The following LGSN variants were observed in gnomAD, a reference collection of about 807,000 sequenced individuals.
The protein encoded by LGSN is lengsin, lens protein with glutamine synthetase domain.
A neutral mutation model predicts 19.5 loss-of-function variants in LGSN; 21 were observed. The observed-to-expected ratio is 1.07, with a 90% CI of 0.76 to 1.55. The LOEUF is 1.55. Among genes scored for constraint, LGSN ranks in the 40% most tolerant of loss-of-function variants. LGSN has a pLI of 0.00. For missense variants in LGSN, 673 were observed against 608.5 expected (o/e 1.11, Z -1.12); for synonymous variants, 257 against 215.6 (o/e 1.19, Z -1.68).
chr6:63,368,579 C>T, the LGSN span, among the ~76,000 whole-genome samples: 4 of 152,188 alleles, frequency 2.6e-5, no homozygotes, highest in South Asian at 6.2e-4. Flanking sequence ...TTAAAATTAA[C>T]GCTCCTCCCC....
the LGSN span, among the ~76,000 whole-genome samples, chr6:63,480,940 GATATATATATATATAT>G: frequency 0.11 from 6,462 of 59,714 alleles, 312 homozygotes; most frequent in East Asian, 0.3. Flanking sequence ...TAAAGAAAAT[GATATATATATATATAT>G]ATATATATAT....
intron 2 of LGSN, among the ~76,000 whole-genome samples, chr6:63,286,562 T>A (rs1767544750): frequency 6.6e-6 from 1 of 152,220 alleles, no homozygotes; most frequent in South Asian, 2.1e-4. Context: ...AACCGCACCA[T>A]CAGTCCACTG....
At chr6:63,505,565 A>AAAAGAAAGAAAGAAAGAAAGAAAG in the LGSN span, among the ~76,000 whole-genome samples, 26 of 58,642 alleles carry the variant, frequency 4.4e-4, 1 homozygote, top group South Asian at 6.7e-4. Flanking sequence ...AAAAAAAAAA[A>AAAAGAAAGAAAGAAAGAAAGAAAG]AAAGAAAGAA....
At chr6:63,310,736 T>C (rs1768594794) in intron 1 of LGSN, among the ~76,000 whole-genome samples, 1 of 152,154 alleles carries the variant, frequency 6.6e-6, no homozygotes, top group African/African-American at 2.4e-5. Flanking sequence ...TTTACAGATT[T>C]TTGTAAGATT....
the LGSN span, among the ~76,000 whole-genome samples, chr6:63,416,136 T>C: frequency 6.7e-6 from 1 of 150,302 alleles, no homozygotes; most frequent in East Asian, 1.9e-4. Flanking sequence ...TTTTTTTTTT[T>C]CAGAATATTC....
At chr6:63,293,594 C>G (rs1767855816) in intron 2 of LGSN, 1 of 353,014 alleles carries the variant, frequency 2.8e-6, no homozygotes, top group Admixed American at 3.7e-5. Flanking sequence ...CTCTCTAATT[C>G]AAATACAGAC....
At chr6:63,409,019 T>C in the LGSN span, among the ~76,000 whole-genome samples, 150 of 152,278 alleles carry the variant, frequency 9.9e-4, no homozygotes, top group African/African-American at 3.5e-3. Context: ...CAAGTGATCC[T>C]CCTGCCTCAG....
At chr6:63,554,082 A>G in the LGSN span, among the ~76,000 whole-genome samples, 1 of 152,200 alleles carries the variant, frequency 6.6e-6, no homozygotes, top group Non-Finnish European at 1.5e-5. Context: ...TTTAAATTTA[A>G]AAACATTCAG....
the LGSN span, among the ~76,000 whole-genome samples, chr6:63,567,527 T>C: frequency 6.6e-6 from 1 of 152,240 alleles, no homozygotes; most frequent in African/African-American, 2.4e-5. Context: ...TAGTGAGCCA[T>C]GCTAAACAGA....
At chr6:63,355,719 C>G in the LGSN span, among the ~76,000 whole-genome samples, 1 of 152,158 alleles carries the variant, frequency 6.6e-6, no homozygotes, top group Non-Finnish European at 1.5e-5. Flanking sequence ...ACTCTTGATG[C>G]ACAGGCTGTT....
the LGSN span, among the ~76,000 whole-genome samples, chr6:63,471,303 G>A: frequency 3.3e-5 from 5 of 151,640 alleles, no homozygotes; most frequent in East Asian, 3.9e-4. Flanking sequence ...CAATCAGGTG[G>A]CAATGTATAA....
the LGSN span, among the ~76,000 whole-genome samples, chr6:63,414,918 A>C: frequency 6.6e-6 from 1 of 151,786 alleles, no homozygotes; most frequent in East Asian, 1.9e-4. Context: ...CCCTTTAAAA[A>C]AAATTAAATT....
At chr6:63,380,239 C>A in the LGSN span, among the ~76,000 whole-genome samples, 1 of 152,158 alleles carries the variant, frequency 6.6e-6, no homozygotes, top group Non-Finnish European at 1.5e-5. Flanking sequence ...ACATCTCTCT[C>A]AAAAAAAGTT....
chr6:63,285,873 T>G, intron 2 of LGSN, 120 bp from the exon 3 acceptor site: 1 of 749,330 alleles, frequency 1.3e-6, no homozygotes, highest in Non-Finnish European at 2.2e-6. Context: ...ATTCATCATG[T>G]CACTGGCTTA....
the LGSN span, among the ~76,000 whole-genome samples, chr6:63,486,015 C>T: frequency 6.6e-6 from 1 of 152,130 alleles, no homozygotes; most frequent in Non-Finnish European, 1.5e-5. Context: ...CAGGTGTGAG[C>T]CACCACACCC....
At chr6:63,332,684 T>C in the LGSN span, among the ~76,000 whole-genome samples, 447 of 152,222 alleles carry the variant, frequency 2.9e-3, 3 homozygotes, top group African/African-American at 0.01. Context: ...ATTTAGCCCC[T>C]GAATTCTAAG....
the LGSN span, among the ~76,000 whole-genome samples, chr6:63,478,970 A>G: frequency 1.3e-5 from 2 of 152,228 alleles, no homozygotes; most frequent in Admixed American, 6.5e-5. Flanking sequence ...GTATAAAAGG[A>G]TACAGACAAG....
chr6:63,372,502 A>T, the LGSN span, among the ~76,000 whole-genome samples: 1 of 152,190 alleles, frequency 6.6e-6, no homozygotes, highest in Admixed American at 6.5e-5. Flanking sequence ...GAGGGGGGGA[A>T]ATAATGATTA....
intron 1 of LGSN, among the ~76,000 whole-genome samples, chr6:63,306,919 A>C (rs147749560): frequency 5.7e-4 from 87 of 152,364 alleles, no homozygotes; most frequent in African/African-American, 2.1e-3. Flanking sequence ...TTTAAAATGT[A>C]AGGTAAGAAG....
Sources: allele counts gnomAD v4.1 joint callset (sites outside exome capture counted in the v4.1 genomes callset), GRCh38; gene constraint gnomAD v4.1.1; transcripts MANE v1.5; gene names NCBI Gene and HGNC (gene_info 2026-07-23, HGNC 2026-07-21).